Variants in RUBCNL observed in about 807,000 individuals in gnomAD.
The protein encoded by RUBCNL is protein associated with UVRAG as autophagy enhancer.
Under a neutral mutation model 69.5 loss-of-function variants are expected in RUBCNL, and 62 were observed. The observed-to-expected ratio is 0.89, with a 90% confidence interval of 0.73 to 1.10. The LOEUF (loss-of-function observed/expected upper bound fraction) is 1.10, where lower values mean the gene tolerates loss of function less well. Among genes scored for constraint, RUBCNL ranks in the 50% least tolerant of loss-of-function variants. RUBCNL has a pLI of 0.00. For synonymous variants in RUBCNL, 291 were observed against 303.6 expected, an observed-to-expected ratio of 0.96 and a Z score of 0.43; for missense variants, 768 against 798.1, an observed-to-expected ratio of 0.96 and a Z score of 0.45.
intron 11 of RUBCNL, among the ~76,000 whole-genome samples, chr13:46,349,611 A>G (rs907154489): frequency 2.6e-5 from 4 of 152,094 alleles, no homozygotes; most frequent in Non-Finnish European, 5.9e-5. Flanking sequence ...TACTAAGTAT[A>G]AGATTCAGTG....
intron 12 of RUBCNL, among the ~76,000 whole-genome samples, chr13:46,346,575 T>A (rs977600866): frequency 1.3e-5 from 2 of 152,176 alleles, no homozygotes; most frequent in Admixed American, 1.3e-4. Flanking sequence ...TATTCAAGAT[T>A]TTTTGTACAA....
In RUBCNL at chr13:46,372,613, A is replaced by T; in HGVS notation, c.-122-16T>A. The T allele has an allele frequency of 7.0e-7, 1 of 1,431,632 alleles. No homozygotes were observed. The highest frequency in any genetic ancestry group is 9.1e-7 in the Non-Finnish European group (1 of 1,096,306). The allele number at this position is 1,431,632 out of a possible 1,614,324, so 88.7% of individuals were successfully genotyped here. ...GAGAGCTATTCTGCAATGAGCAAGG[A>T]ATCATTCAAAATAAGTAAGAATTCA... On this transcript the variant is annotated splice_polypyrimidine_tract_variant and intron_variant, in intron 2 of 14. Transcript: ENST00000429979.
rs554748462 is a variant in RUBCNL, at chr13:46,345,423, A to G, written c.1785+24T>C. The G allele has an allele frequency of 1.7e-4, 262 of 1,551,610 alleles. 2 individuals carry two copies. The East Asian group carries it at 6.4e-3, about 38-fold the overall frequency. On this transcript the variant is annotated intron_variant, in intron 13 of 14. Coordinates refer to ENST00000429979, the MANE Select transcript of RUBCNL (RefSeq NM_025113.5). Reference sequence around the variant, plus strand: ...CACAGGCCCTGGTGCATCGGGAACGAATCTGCTCTGGGTGCACCCTCACCT... The same window carrying G: ...CACAGGCCCTGGTGCATCGGGAACGGATCTGCTCTGGGTGCACCCTCACCT...
In RUBCNL at chr13:46,387,217, C is replaced by T. The variant is rs1272375696; in HGVS notation, c.-322G>A. The T allele has an allele frequency of 2.0e-6, 2 of 985,250 alleles. No homozygotes were observed. The highest frequency in any genetic ancestry group is 2.4e-6 in the Non-Finnish European group (2 of 829,962). The allele number at this position is 985,250 out of a possible 1,614,324, so 61.0% of individuals were successfully genotyped here. ...CCTCGCGCGGCTCCGGGCAGCGTTC[C>T]GTGGCCACCGCGCTCCCGGTAACAG... is the stretch of plus-strand genomic sequence containing the variant. On this transcript the variant is annotated 5_prime_UTR_variant, in exon 1 of 15. Coordinates refer to ENST00000429979, the MANE Select transcript of RUBCNL (RefSeq NM_025113.5).
intron 10 of RUBCNL, among the ~76,000 whole-genome samples, chr13:46,354,331 T>C (rs1257895513): frequency 6.6e-6 from 1 of 152,196 alleles, no homozygotes; most frequent in African/African-American, 2.4e-5. Flanking sequence ...GTTGAAACTA[T>C]GATTATGTAA....
intron 1 of RUBCNL, chr13:46,378,618 A>G (rs1035486245): frequency 6.6e-6 from 1 of 152,268 alleles, no homozygotes; most frequent in East Asian, 1.9e-4. Flanking sequence ...TGATTGCATC[A>G]CTAGAGCCAC....
intron 10 of RUBCNL, among the ~76,000 whole-genome samples, chr13:46,355,359 A>C (rs1333080804): frequency 7.1e-6 from 1 of 140,600 alleles, no homozygotes; most frequent in African/African-American, 2.7e-5. Flanking sequence ...CAATAGTGTG[A>C]TCTCGGCTCA....
intron 1 of RUBCNL, among the ~76,000 whole-genome samples, chr13:46,385,730 T>C (rs2049226600): frequency 6.6e-6 from 1 of 151,528 alleles, no homozygotes; most frequent in South Asian, 2.1e-4. Context: ...CGACAGAATG[T>C]TCCTTGTATC....
chr13:46,357,271 T>C (rs1428628323), intron 9 of RUBCNL, among the ~76,000 whole-genome samples: 1 of 146,182 alleles, frequency 6.8e-6, no homozygotes, highest in Non-Finnish European at 1.5e-5. Flanking sequence ...AGACGGAGCT[T>C]GCAGTGAGCC....
intron 1 of RUBCNL, among the ~76,000 whole-genome samples, chr13:46,381,648 T>C (rs1383280609): frequency 1.3e-5 from 2 of 152,188 alleles, no homozygotes; most frequent in Non-Finnish European, 2.9e-5. Context: ...AATGGTGCGA[T>C]CTCGGCTCAC....
chr13:46,372,873 G>C (rs2048909598), intron 2 of RUBCNL, among the ~76,000 whole-genome samples: 1 of 152,004 alleles, frequency 6.6e-6, no homozygotes, highest in Admixed American at 6.5e-5. Context: ...CCATAAAAAT[G>C]TAAAACATCC....
Position 46,339,516 on chromosome 13 carries a change from G to A in RUBCNL, c.*3869C>T, listed in dbSNP as rs2048126501. ...TGACATGTCTACCACGTTCCTTCCA[G>A]CAGGTTTGAATTCCGAAGTCTCAGA... On this transcript the variant is annotated 3_prime_UTR_variant, in exon 15 of 15. Coordinates refer to ENST00000429979, the MANE Select transcript of RUBCNL (RefSeq NM_025113.5). 6.6e-6 allele frequency among the ~76,000 whole-genome samples: 1 copy of A among 152,112 alleles called. No homozygotes were observed.
chr13:46,383,389 AC>A (rs1053720618), intron 1 of RUBCNL, among the ~76,000 whole-genome samples: 1 of 152,170 alleles, frequency 6.6e-6, no homozygotes, highest in Non-Finnish European at 1.5e-5. Context: ...TCTACAGATA[AC>A]CACTCTCTCC....
chr13:46,368,658 TC>T, intron 4 of RUBCNL, 74 bp downstream of exon 4: 1 of 1,402,600 alleles, frequency 7.1e-7, no homozygotes, highest in South Asian at 1.3e-5. Context: ...AATTGAAGTT[TC>T]CAGATTTAAA....
intron 4 of RUBCNL, 100 bp downstream of exon 4, chr13:46,368,633 T>C: frequency 7.6e-7 from 1 of 1,314,044 alleles, no homozygotes; most frequent in South Asian, 1.4e-5. Context: ...GAAACCTATT[T>C]GTAATGATTC....
At chr13:46,361,326 T>C (rs903892625) in intron 8 of RUBCNL, 115 bp downstream of exon 8, 1 of 1,074,088 alleles carries the variant, frequency 9.3e-7, no homozygotes, top group African/African-American at 1.6e-5. Context: ...TCATTTTGAG[T>C]CTCCCCTAAT....
intron 5 of RUBCNL, among the ~76,000 whole-genome samples, chr13:46,367,372 A>G (rs2048780773): frequency 6.6e-6 from 1 of 152,242 alleles, no homozygotes; most frequent in Non-Finnish European, 1.5e-5. Context: ...TCATTGGAAA[A>G]GGAAAGATGG....
rs1250306637 is a variant in RUBCNL, at chr13:46,342,217, T to C, written c.*1168A>G. 6.6e-6 allele frequency: 1 copy of C among 152,196 alleles called. No individual in the cohort carries two copies. Among genetic ancestry groups the C allele is most frequent in the East Asian group, 1.9e-4 (1 of 5,192 alleles). 9.4% of individuals were successfully genotyped at this position (152,196 alleles called of 1,614,324 possible). A position where few individuals can be genotyped will look rare whatever the true frequency, so the allele number is the denominator to read the frequency against. ...TATCCCATTGAATAAAACACACTCA[T>C]ACACATGGCTGGATGGGGTTAGGGG... On this transcript the variant is annotated 3_prime_UTR_variant, in exon 15 of 15. Transcript: ENST00000429979.
chr13:46,356,043 C>G (rs147655179), intron 10 of RUBCNL, among the ~76,000 whole-genome samples: 6 of 152,120 alleles, frequency 3.9e-5, no homozygotes, highest in African/African-American at 1.4e-4. Context: ...GGGAAGACCT[C>G]GTGACTTTGG....
Sources: gnomAD v4.1 joint callset for allele counts (sites outside exome capture counted in the v4.1 genomes callset) on GRCh38, gnomAD v4.1.1 for gene constraint, MANE v1.5 for transcripts, NCBI Gene and HGNC (gene_info 2026-07-23, HGNC 2026-07-21) for gene names.